TTC28: variants seen among roughly 807,000 people sequenced by gnomAD.
TTC28 encodes tetratricopeptide repeat protein 28.
A neutral mutation model predicts 198.0 loss-of-function variants in TTC28; 61 were observed. The observed-to-expected ratio is 0.31, with a 90% CI of 0.25 to 0.38. TTC28 has a LOEUF of 0.38. Ranked by LOEUF, TTC28 falls within the 10% of genes least tolerant of loss-of-function variation. The pLI, the probability that TTC28 is intolerant of heterozygous loss-of-function variation, is 1.00. For synonymous variants in TTC28, 1,171 were observed against 1,297.8 expected (o/e 0.90, Z 2.10); for missense variants, 2,678 against 3,164.0 (o/e 0.85, Z 3.69).
chr22:28,146,135 CA>C lies in TTC28; in HGVS notation c.1441+16956del, dbSNP rs139075232. On this transcript the variant is annotated intron_variant, in intron 6 of 22. Transcript: ENST00000397906. Reference sequence around the variant, plus strand: ...GATAAGGTCACTCTAGCTATAACAACACTGTAAAAGCCCCTAACTTGGCTTG... The same window carrying C: ...GATAAGGTCACTCTAGCTATAACAACCTGTAAAAGCCCCTAACTTGGCTTG... 8.5e-4 allele frequency among the ~76,000 whole-genome samples: 129 copies of C among 152,312 alleles called. 2 individuals carry two copies. The East Asian group carries it at 0.023, about 27-fold the overall frequency.
In TTC28 at chr22:28,567,493, T is replaced by C. The variant is rs1241204745; in HGVS notation, c.381+62059A>G. Reference sequence around the variant, plus strand: ...ATACATACATACATATATATATATATATATATATATATATATGTTTTTACC... The same window carrying C: ...ATACATACATACATATATATATATACATATATATATATATATGTTTTTACC... On this transcript the variant is annotated intron_variant, in intron 2 of 22. Coordinates refer to ENST00000397906, the MANE Select transcript of TTC28 (RefSeq NM_001145418.2). Among the ~76,000 whole-genome samples the C allele has an allele frequency of 2.5e-5, 3 of 121,316 alleles. No homozygotes were observed. The South Asian group carries it at 8.0e-4, about 32-fold the overall frequency. 79.6% of individuals were successfully genotyped at this position (121,316 alleles called of 152,430 possible).
At chr22:28,139,071 G>A (rs570130534) in intron 6 of TTC28, among the ~76,000 whole-genome samples, 1 of 152,086 alleles carries the variant, frequency 6.6e-6, no homozygotes, top group Admixed American at 6.6e-5. Flanking sequence ...GGGAGAGATG[G>A]GGTGGAGTTG....
intron 19 of TTC28, among the ~76,000 whole-genome samples, chr22:27,991,187 G>A (rs550880128): frequency 1.2e-3 from 189 of 152,310 alleles, no homozygotes; most frequent in Middle Eastern, 3.4e-3. Flanking sequence ...GGGCAGCCTC[G>A]GGACATGTCC....
At chr22:28,554,371 T>TAAAA (rs35063705) in intron 2 of TTC28, among the ~76,000 whole-genome samples, 12 of 123,134 alleles carry the variant, frequency 9.7e-5, no homozygotes, top group African/African-American at 3.6e-4. Context: ...AATGATCAAT[T>TAAAA]AAAAAAAAAA....
intron 2 of TTC28, among the ~76,000 whole-genome samples, chr22:28,425,623 T>A (rs1006686923): frequency 4.6e-5 from 7 of 152,200 alleles, no homozygotes; most frequent in Middle Eastern, 3.2e-3. Context: ...ATTGATCAAG[T>A]GATCAAACTG....
At chr22:28,633,508 T>C (rs568697339) in intron 1 of TTC28, among the ~76,000 whole-genome samples, 9 of 151,756 alleles carry the variant, frequency 5.9e-5, no homozygotes, top group Non-Finnish European at 1.0e-4. Context: ...CGCACCTGTA[T>C]TCCCAGCTAC....
intron 2 of TTC28, among the ~76,000 whole-genome samples, chr22:28,307,725 T>G (rs1303673442): frequency 1.3e-5 from 2 of 152,178 alleles, no homozygotes; most frequent in Non-Finnish European, 2.9e-5. Context: ...TGACAACATC[T>G]GCTTCTAAAA....
chr22:28,243,310 T>G (rs1929822446), intron 5 of TTC28, among the ~76,000 whole-genome samples: 1 of 150,020 alleles, frequency 6.7e-6, no homozygotes. Context: ...TGAGCCATGA[T>G]CATGCCACTG....
chr22:28,257,468 T>C (rs1931011900), intron 5 of TTC28, among the ~76,000 whole-genome samples: 1 of 151,902 alleles, frequency 6.6e-6, no homozygotes, highest in African/African-American at 2.4e-5. Flanking sequence ...TGGATACAAC[T>C]AGAAGACATT....
chr22:28,055,562 GC>G (rs1940254145), intron 12 of TTC28, among the ~76,000 whole-genome samples: 1 of 152,188 alleles, frequency 6.6e-6, no homozygotes, highest in African/African-American at 2.4e-5. Flanking sequence ...TAAGGGCTGT[GC>G]TAGGAATCTC....
intron 5 of TTC28, among the ~76,000 whole-genome samples, chr22:28,279,543 T>C (rs2044541437): frequency 6.6e-6 from 1 of 152,172 alleles, no homozygotes; most frequent in East Asian, 1.9e-4. Flanking sequence ...GCTAAGTTTT[T>C]GTATTTTTAG....
intron 1 of TTC28, among the ~76,000 whole-genome samples, chr22:28,670,724 TGAGTGGA>T (rs2051866739): frequency 6.7e-6 from 1 of 150,136 alleles, no homozygotes; most frequent in African/African-American, 2.5e-5. Context: ...TATATATATA[TGAGTGGA>T]ATTACTGGGC....
chr22:28,018,468 A>C (rs548176830), intron 13 of TTC28, among the ~76,000 whole-genome samples: 9 of 152,244 alleles, frequency 5.9e-5, no homozygotes, highest in Non-Finnish European at 1.3e-4. Flanking sequence ...CTCCCTGAGC[A>C]GGAGGCATCT....
chr22:28,388,094 A>C (rs2046645457), intron 2 of TTC28, among the ~76,000 whole-genome samples: 1 of 152,202 alleles, frequency 6.6e-6, no homozygotes, highest in Non-Finnish European at 1.5e-5. Context: ...CCGGTTATTA[A>C]ATAGGGAATC....
chr22:28,297,290 T>C (rs935703647), intron 4 of TTC28, among the ~76,000 whole-genome samples: 1 of 151,868 alleles, frequency 6.6e-6, no homozygotes, highest in African/African-American at 2.4e-5. Flanking sequence ...TAGCTAAGTG[T>C]AACTTTGAAT....
At chr22:28,482,431 A>G (rs1007525444) in intron 2 of TTC28, among the ~76,000 whole-genome samples, 1 of 151,730 alleles carries the variant, frequency 6.6e-6, no homozygotes, top group Admixed American at 6.6e-5. Flanking sequence ...GATGGTCTCG[A>G]TCTCCTGACC....
At chr22:28,187,078 T>A (rs1924267082) in intron 5 of TTC28, among the ~76,000 whole-genome samples, 1 of 152,168 alleles carries the variant, frequency 6.6e-6, no homozygotes, top group Admixed American at 6.5e-5. Context: ...AATTCTAAGA[T>A]TACTCTACTG....
At position 28,130,489 on chromosome 22, in the gene TTC28, G is replaced by A. The variant is rs1047886838; in HGVS notation, c.1442-22086C>T. ...AGCATAAAATTATTAGCATAATCCT[G>A]TGAGTACCCTATCAGAATGATAGTG... On this transcript the variant is annotated intron_variant, in intron 6 of 22. Coordinates refer to ENST00000397906, the MANE Select transcript of TTC28 (RefSeq NM_001145418.2). Among the ~76,000 whole-genome samples, 3 of 152,292 alleles carry A rather than the reference G, an allele frequency of 2.0e-5. No homozygotes were observed. The South Asian group carries it at 6.2e-4, about 32-fold the overall frequency.
rs757899990 is a variant in TTC28 at position 28,169,823 on chromosome 22, TAATAA to T, written c.934-6229_934-6225del. Among the ~76,000 whole-genome samples the T allele has an allele frequency of 7.8e-4, 118 of 151,512 alleles. 1 individual carries two copies. The highest frequency in any genetic ancestry group is 2.2e-3 in the Admixed American group (33 of 15,214). The stretch of plus-strand genomic sequence containing the variant: ...TACCCTAAAACTTAAAGTATAATAA[TAATAA>T]AATAAAATAAAATAAAATAAAGAAC... On this transcript the variant is annotated intron_variant, in intron 5 of 22. Coordinates refer to ENST00000397906, the MANE Select transcript of TTC28 (RefSeq NM_001145418.2).
Sources: gnomAD v4.1 joint callset for allele counts (sites outside exome capture counted in the v4.1 genomes callset) on GRCh38, gnomAD v4.1.1 for gene constraint, MANE v1.5 for transcripts, NCBI Gene and HGNC (gene_info 2026-07-23, HGNC 2026-07-21) for gene names.